Variants in MAGEC3 observed in about 807,000 individuals in gnomAD.
The protein encoded by MAGEC3 is melanoma-associated antigen C3.
A neutral mutation model predicts 35.3 loss-of-function variants in MAGEC3; 34 were observed. The observed-to-expected ratio is 0.96, with a 90% confidence interval of 0.73 to 1.28. The LOEUF (loss-of-function observed/expected upper bound fraction) is 1.28, where lower values mean the gene tolerates loss of function less well. MAGEC3 is among the 50% of genes most tolerant of loss of function. The pLI, the probability that MAGEC3 is intolerant of heterozygous loss-of-function variation, is 0.00. For synonymous variants in MAGEC3, 202 were observed against 185.6 expected (o/e 1.09, Z -0.72); for missense variants, 561 against 483.6 (o/e 1.16, Z -1.50).
intron 3 of MAGEC3, among the ~76,000 whole-genome samples, chrX:141,880,225 C>T: frequency 8.9e-6 from 1 of 111,846 alleles, no homozygotes; most frequent in Admixed American, 9.4e-5. Context: ...AGATGTGAGG[C>T]CAGCCCAACT....
At chrX:141,883,741 A>C (rs2017982620) in intron 4 of MAGEC3, among the ~76,000 whole-genome samples, 2 of 113,217 alleles carry the variant, frequency 1.8e-5, no homozygotes, top group South Asian at 7.3e-4. Context: ...ATATGAGATA[A>C]AATTTTGGAA....
chrX:141,861,742 G>A (rs948192853), intron 1 of MAGEC3, among the ~76,000 whole-genome samples: 3 of 111,618 alleles, frequency 2.7e-5, no homozygotes, highest in Non-Finnish European at 5.7e-5. Flanking sequence ...AATGAAACTG[G>A]ACTCCTACTT....
chrX:141,848,433 C>T (rs1453100200), intron 1 of MAGEC3, among the ~76,000 whole-genome samples: 1 of 111,057 alleles, frequency 9.0e-6, no homozygotes, highest in Non-Finnish European at 1.9e-5. Flanking sequence ...AGTAAAGTTT[C>T]AGGATACAAA....
chrX:141,876,743 G>A (rs1481910158), intron 2 of MAGEC3, among the ~76,000 whole-genome samples: 1 of 112,048 alleles, frequency 8.9e-6, no homozygotes, highest in Non-Finnish European at 1.9e-5. Flanking sequence ...ACTTACATTA[G>A]GGTTTTTGTA....
chrX:141,872,129 G>T (rs766761472), intron 2 of MAGEC3, among the ~76,000 whole-genome samples: 1 of 111,260 alleles, frequency 9.0e-6, no homozygotes, highest in Non-Finnish European at 1.9e-5. Context: ...GCTGAAAATA[G>T]AGAACCTCTT....
chrX:141,863,887 C>G (rs1365015654), intron 1 of MAGEC3, among the ~76,000 whole-genome samples: 1 of 111,237 alleles, frequency 9.0e-6, no homozygotes, highest in Non-Finnish European at 1.9e-5. Flanking sequence ...ATATATAGCA[C>G]TCGTTCGATG....
intron 3 of MAGEC3, chrX:141,880,827 G>A (rs749315679): frequency 2.6e-5 from 29 of 1,135,221 alleles, no homozygotes; most frequent in African/African-American, 3.6e-5. Context: ...CTTAAGAGAA[G>A]AAGAGCTGTA....
intron 3 of MAGEC3, among the ~76,000 whole-genome samples, 197 bp from the exon 4 acceptor site, chrX:141,881,206 A>T (rs1340547062): frequency 9.4e-6 from 1 of 106,112 alleles, no homozygotes; most frequent in Non-Finnish European, 2.0e-5. Context: ...CTCATCCTCT[A>T]CTCTGATTCT....
At chrX:141,852,450 A>C (rs190419161) in intron 1 of MAGEC3, among the ~76,000 whole-genome samples, 39 of 110,363 alleles carry the variant, frequency 3.5e-4, no homozygotes, top group Non-Finnish European at 5.3e-4. Flanking sequence ...TTGCTTGCCT[A>C]ATTGCACTAG....
Position 141,896,948 on chromosome X carries a change from A to C in MAGEC3, c.1190A>C (p.Gln397Pro). 1.7e-6 allele frequency: 2 copies of C among 1,188,317 alleles called. No individual in the cohort carries two copies. The part of the protein sequence containing the change: ...LPQSPPEIPP[Q>P]GPPKISPQGP... ...CAGAGTCCTCCTGAGATTCCTCCCC[A>C]GGGTCCTCCCAAGATCTCTCCCCAG... is the stretch of plus-strand genomic sequence containing the variant. The change falls in exon 7 of 8, where the codon CAG (glutamine) becomes CCG (proline). Residue 397 changes from glutamine (Q) to proline (P), a missense_variant. Transcript: ENST00000298296.
chrX:141,860,961 A>G (rs5908060), intron 1 of MAGEC3, among the ~76,000 whole-genome samples: 52,386 of 110,348 alleles, frequency 0.47, 9,159 homozygotes, highest in Non-Finnish European at 0.54. Context: ...ACCTGGATTG[A>G]GTTGGAGACC....
At chrX:141,876,188 A>G (rs969046454) in intron 2 of MAGEC3, among the ~76,000 whole-genome samples, 5 of 111,989 alleles carry the variant, frequency 4.5e-5, no homozygotes, top group African/African-American at 1.6e-4. Context: ...TAAGTCAGTA[A>G]AGTATTTGTG....
At position 141,851,446 on chromosome X, in the gene MAGEC3, G is replaced by A. The variant is rs770598843; in HGVS notation, c.123+13008G>A. On this transcript the variant is annotated intron_variant, in intron 1 of 7. Coordinates refer to ENST00000298296, the MANE Select transcript of MAGEC3 (RefSeq NM_138702.1). ...AGATTGAAATACAAGTTTGTCTTATGTGGGTTGTGCTTAATATTTTAAAAA... is the reference window on the plus strand; with the variant it reads ...AGATTGAAATACAAGTTTGTCTTATATGGGTTGTGCTTAATATTTTAAAAA... 3.6e-5 allele frequency among the ~76,000 whole-genome samples: 4 copies of A among 110,567 alleles called. No homozygotes were observed. The East Asian group carries it at 1.1e-3, about 31-fold the overall frequency.
intron 6 of MAGEC3, 160 bp from the exon 7 acceptor site, chrX:141,896,722 G>A: frequency 8.3e-7 from 1 of 1,211,728 alleles, no homozygotes; most frequent in Non-Finnish European, 1.1e-6. Context: ...TGTGACAGAG[G>A]ACTTGGTAGA....
chrX:141,852,003 G>A (rs887826331), intron 1 of MAGEC3, among the ~76,000 whole-genome samples: 1 of 109,764 alleles, frequency 9.1e-6, no homozygotes, highest in African/African-American at 3.3e-5. Flanking sequence ...GGTAGGGCTT[G>A]CATTGTTTCT....
intron 1 of MAGEC3, among the ~76,000 whole-genome samples, chrX:141,846,358 G>T (rs947977915): frequency 9.1e-6 from 1 of 110,011 alleles, no homozygotes; most frequent in African/African-American, 3.3e-5. Context: ...GGGGGAGTGG[G>T]TGATGAGATT....
At chrX:141,875,050 A>T (rs1365668345) in intron 2 of MAGEC3, among the ~76,000 whole-genome samples, 4 of 111,776 alleles carry the variant, frequency 3.6e-5, no homozygotes, top group Non-Finnish European at 7.5e-5. Context: ...TCAGCCATGC[A>T]TTGGGTTTTC....
At position 141,895,276 on chromosome X, in the gene MAGEC3, C is replaced by G. The variant is rs1244143203; in HGVS notation, c.917C>G (p.Ser306Ter). 20 of 1,205,170 alleles carry G rather than the reference C, an allele frequency of 1.7e-5. No individual in the cohort carries two copies. Among genetic ancestry groups the G allele is most frequent in the Non-Finnish European group, 2.1e-5 (19 of 892,555 alleles). Residue 306 changes from serine (S) to a stop codon, truncating the protein, a stop_gained, in exon 5 of 8, where the codon TCA (serine) becomes TGA (stop). Transcript: ENST00000298296. LOFTEE classifies it high-confidence loss of function. The stretch of plus-strand genomic sequence containing the variant: ...CGCTGCCTCTGCTGTCAGCCCTGGT[C>G]AGCCTTGGCAGGGTTCGCGGATGTG... ...WEVLNAIGPWSALAGFADVLS... is the reference protein window; with the variant it reads ...WEVLNAIGPW
At chrX:141,845,547 T>G (rs2017711088) in intron 1 of MAGEC3, among the ~76,000 whole-genome samples, 1 of 111,316 alleles carries the variant, frequency 9.0e-6, no homozygotes, top group Non-Finnish European at 1.9e-5. Flanking sequence ...TGTAAATGTA[T>G]TAAGTGAATA....
Sources: gnomAD v4.1 joint callset for allele counts (sites outside exome capture counted in the v4.1 genomes callset) on GRCh38, gnomAD v4.1.1 for gene constraint, MANE v1.5 for transcripts, NCBI Gene and HGNC (gene_info 2026-07-23, HGNC 2026-07-21) for gene names.